Variants in BACE2 observed in about 807,000 individuals in gnomAD.
BACE2 encodes 56 kDa aspartic-like protease.
A neutral mutation model predicts 46.2 loss-of-function variants in BACE2; 17 were observed. That is an observed-to-expected ratio of 0.37 (90% CI 0.25 to 0.55). The LOEUF is 0.55. Ranked by LOEUF, BACE2 falls within the 20% of genes least tolerant of loss-of-function variation. BACE2 has a pLI of 0.82. For synonymous variants in BACE2, 277 were observed against 295.9 expected (o/e 0.94, Z 0.66); for missense variants, 595 against 698.1 (o/e 0.85, Z 1.66).
intron 1 of BACE2, 98 bp downstream of exon 1, chr21:41,168,673 C>A: frequency 1.1e-6 from 1 of 947,790 alleles, no homozygotes; most frequent in Non-Finnish European, 1.4e-6. Context: ...GCCCCCAAAG[C>A]AGCAGCTGTC....
intron 8 of BACE2, among the ~76,000 whole-genome samples, chr21:41,274,590 C>T (rs1004865109): frequency 9.8e-5 from 15 of 152,306 alleles, no homozygotes; most frequent in Middle Eastern, 3.4e-3. Flanking sequence ...AGGAAGTCTA[C>T]AGATAATCCA....
chr21:41,248,590 G>C (rs570749217), intron 6 of BACE2, among the ~76,000 whole-genome samples: 2 of 152,148 alleles, frequency 1.3e-5, no homozygotes, highest in Non-Finnish European at 2.9e-5. Flanking sequence ...AGTAGACTTC[G>C]CTTTTTCACA....
intron 1 of BACE2, among the ~76,000 whole-genome samples, chr21:41,219,895 G>A (rs1270948994): frequency 3.3e-5 from 5 of 152,166 alleles, no homozygotes; most frequent in African/African-American, 4.8e-5. Context: ...CACCAGCTGC[G>A]TATCCTCTAA....
At chr21:41,235,074 G>A (rs144872227) in intron 2 of BACE2, among the ~76,000 whole-genome samples, 1 of 152,190 alleles carries the variant, frequency 6.6e-6, no homozygotes, top group Non-Finnish European at 1.5e-5. Context: ...CCAGACCTTC[G>A]TAAAATAACA....
intron 6 of BACE2, among the ~76,000 whole-genome samples, chr21:41,249,198 G>GC (rs1325189956): frequency 6.9e-6 from 1 of 144,078 alleles, no homozygotes; most frequent in Non-Finnish European, 1.5e-5. Flanking sequence ...GGACTAGTGA[G>GC]CCCCACATGT....
At chr21:41,270,396 G>A (rs545051014) in intron 8 of BACE2, among the ~76,000 whole-genome samples, 4 of 151,518 alleles carry the variant, frequency 2.6e-5, no homozygotes, top group Admixed American at 6.6e-5. Flanking sequence ...GAAATTTTTC[G>A]CCTAACCCCA....
intron 8 of BACE2, among the ~76,000 whole-genome samples, chr21:41,257,682 T>C (rs1413044582): frequency 6.6e-6 from 1 of 152,212 alleles, no homozygotes; most frequent in Admixed American, 6.5e-5. Context: ...CGTGTACATT[T>C]ATTTGTCCAT....
chr21:41,275,074 G>A (rs930476689), intron 8 of BACE2, among the ~76,000 whole-genome samples: 5 of 152,132 alleles, frequency 3.3e-5, no homozygotes, highest in African/African-American at 9.7e-5. Flanking sequence ...CCGCAGTGTC[G>A]CTGGCATTCC....
At chr21:41,228,042 C>T (rs1471417083) in intron 2 of BACE2, among the ~76,000 whole-genome samples, 1 of 152,192 alleles carries the variant, frequency 6.6e-6, no homozygotes, top group African/African-American at 2.4e-5. Flanking sequence ...CAAGTTCAAG[C>T]TTTGAGGCCA....
intron 6 of BACE2, among the ~76,000 whole-genome samples, chr21:41,247,872 T>G (rs1375643667): frequency 6.6e-6 from 1 of 152,238 alleles, no homozygotes; most frequent in Non-Finnish European, 1.5e-5. Flanking sequence ...TGTGTCTGGC[T>G]TACCGTCTCT....
chr21:41,203,940 GC>G (rs1986046578), intron 1 of BACE2, among the ~76,000 whole-genome samples: 1 of 152,200 alleles, frequency 6.6e-6, no homozygotes, highest in Non-Finnish European at 1.5e-5. Context: ...GTGGCCCCAA[GC>G]GAGAAAGGGA....
intron 1 of BACE2, among the ~76,000 whole-genome samples, chr21:41,197,980 T>G (rs1985799216): frequency 6.6e-6 from 1 of 152,200 alleles, no homozygotes; most frequent in African/African-American, 2.4e-5. Flanking sequence ...AGTTAAATAC[T>G]CAAAAATATT....
chr21:41,172,284 G>A (rs1440178951), intron 1 of BACE2, among the ~76,000 whole-genome samples: 1 of 152,196 alleles, frequency 6.6e-6, no homozygotes, highest in African/African-American at 2.4e-5. Context: ...CAAGAAATCA[G>A]CTTGAAACAA....
chr21:41,210,764 CCTAA>C (rs1173065923), intron 1 of BACE2, among the ~76,000 whole-genome samples: 2 of 152,186 alleles, frequency 1.3e-5, no homozygotes, highest in African/African-American at 4.8e-5. Context: ...ACATTTAGGG[CCTAA>C]CTGTGATACA....
At chr21:41,234,110 CCCCA>C (rs1212251136) in intron 2 of BACE2, among the ~76,000 whole-genome samples, 1 of 152,100 alleles carries the variant, frequency 6.6e-6, no homozygotes, top group Non-Finnish European at 1.5e-5. Flanking sequence ...GGCGGTTTTT[CCCCA>C]TACACTGTCT....
rs73364453 is a variant in BACE2, at chr21:41,198,707, T to G, written c.313-27559T>G. Among the ~76,000 whole-genome samples, 1,044 of 152,104 alleles carry G rather than the reference T, an allele frequency of 6.9e-3. 17 individuals carry two copies. The highest frequency in any genetic ancestry group is 0.023 in the African/African-American group (972 of 41,492). ...CACTCGAGTTTCAGCACCACTGCCC[T>G]TTTTTTTGTTTTGTTTTGTTTTTTG... is the stretch of plus-strand genomic sequence containing the variant. On this transcript the variant is annotated intron_variant, in intron 1 of 8. Coordinates refer to ENST00000330333, the MANE Select transcript of BACE2 (RefSeq NM_012105.5).
chr21:41,200,452 C>G (rs970653359), intron 1 of BACE2, among the ~76,000 whole-genome samples: 7 of 152,146 alleles, frequency 4.6e-5, no homozygotes, highest in African/African-American at 1.7e-4. Flanking sequence ...TGTCTTGTTA[C>G]TATGGATGTC....
At chr21:41,179,130 G>A (rs541151629) in intron 1 of BACE2, 2 of 1,239,438 alleles carry the variant, frequency 1.6e-6, no homozygotes, top group African/African-American at 1.7e-5. Context: ...AGGAGTGAGG[G>A]TGTCAGGGTG....
chr21:41,253,441 CAAA>C (rs58206534), intron 7 of BACE2, among the ~76,000 whole-genome samples: 16 of 113,194 alleles, frequency 1.4e-4, no homozygotes, highest in Non-Finnish European at 2.0e-4. Context: ...GACTCCATCT[CAAA>C]AAAAAAAAAA....
Sources: gnomAD v4.1 joint callset for allele counts (sites outside exome capture counted in the v4.1 genomes callset) on GRCh38, gnomAD v4.1.1 for gene constraint, MANE v1.5 for transcripts, NCBI Gene and HGNC (gene_info 2026-07-23, HGNC 2026-07-21) for gene names.